The following KCNH1 variants were observed in gnomAD, a reference collection of about 807,000 sequenced individuals.
KCNH1 encodes the protein voltage-gated delayed rectifier potassium channel KCNH1.
KCNH1 carries 27 observed loss-of-function variants against 69.2 expected under a neutral mutation model. That is an observed-to-expected ratio of 0.39 (90% CI 0.29 to 0.54). The LOEUF is 0.54. Ranked by LOEUF, KCNH1 falls within the 20% of genes least tolerant of loss-of-function variation. The pLI, the probability that KCNH1 is intolerant of heterozygous loss-of-function variation, is 0.68. For synonymous variants in KCNH1, 456 were observed against 487.7 expected (o/e 0.93, Z 0.86); for missense variants, 798 against 1,261.6 (o/e 0.63, Z 5.57).
chr1:210,774,210 G>C (rs943912347), intron 10 of KCNH1, among the ~76,000 whole-genome samples: 5 of 152,132 alleles, frequency 3.3e-5, no homozygotes, highest in East Asian at 1.9e-4. Context: ...TTTAAGGTTA[G>C]TCAAGCAGCC....
Position 210,981,331 on chromosome 1 carries a change from G to C in KCNH1, c.1032+37452C>G, listed in dbSNP as rs1688704841. On this transcript the variant is annotated intron_variant, in intron 6 of 10. Transcript: ENST00000271751. ...TTCAGCAACTACATCTAGTCCCAGG[G>C]GCTCCTCAGTCCATGAATGAGTCAT... Among the ~76,000 whole-genome samples, 5 of 137,198 alleles carry C rather than the reference G, an allele frequency of 3.6e-5. No homozygotes were observed. The South Asian group carries it at 1.2e-3, about 32-fold the overall frequency. The allele number at this position is 137,198 out of a possible 152,430, so 90.0% of individuals were successfully genotyped here.
At chr1:210,924,379 G>C (rs182478869) in intron 6 of KCNH1, among the ~76,000 whole-genome samples, 30 of 152,252 alleles carry the variant, frequency 2.0e-4, no homozygotes, top group Admixed American at 5.2e-4. Context: ...TTGTTATAAA[G>C]AGCCTCTGAA....
At chr1:210,757,082 A>G (rs371363078) in intron 10 of KCNH1, among the ~76,000 whole-genome samples, 8 of 152,094 alleles carry the variant, frequency 5.3e-5, no homozygotes, top group African/African-American at 1.9e-4. Flanking sequence ...TGGTGACTCT[A>G]TTTCTCTGAT....
chr1:211,097,676 C>G (rs1691181936), intron 3 of KCNH1, among the ~76,000 whole-genome samples: 1 of 152,234 alleles, frequency 6.6e-6, no homozygotes, highest in Non-Finnish European at 1.5e-5. Context: ...ATCTATATCT[C>G]TGTGACCCAC....
intron 1 of KCNH1, among the ~76,000 whole-genome samples, chr1:211,128,057 A>G (rs900361008): frequency 3.9e-5 from 6 of 152,092 alleles, no homozygotes; most frequent in Non-Finnish European, 7.3e-5. Flanking sequence ...TTGGAAGGCC[A>G]AGGCGGGCGG....
At chr1:210,856,568 T>C (rs1011607456) in intron 7 of KCNH1, among the ~76,000 whole-genome samples, 5 of 151,690 alleles carry the variant, frequency 3.3e-5, no homozygotes, top group African/African-American at 1.2e-4. Context: ...GTCTCTGCCA[T>C]GTGCACAAAA....
intron 7 of KCNH1, among the ~76,000 whole-genome samples, chr1:210,823,862 C>T (rs1684982846): frequency 1.3e-5 from 2 of 152,172 alleles, no homozygotes; most frequent in Non-Finnish European, 2.9e-5. Context: ...TAGACTGCCT[C>T]ATTTTTCACA....
intron 7 of KCNH1, among the ~76,000 whole-genome samples, chr1:210,823,104 A>T (rs577861536): frequency 1.3e-5 from 2 of 152,294 alleles, no homozygotes; most frequent in South Asian, 2.1e-4. Context: ...GATCAGCTCC[A>T]GTCCTGCTGA....
rs575832151 is a variant in KCNH1, at chr1:210,840,310, C to A, written c.1463-36144G>T. Reference sequence around the variant, plus strand: ...AACAAAAAAATAAAACGAAAAAAAACAAAACCAGCAGTTGTTCTCCTGATT... The same window carrying A: ...AACAAAAAAATAAAACGAAAAAAAAAAAAACCAGCAGTTGTTCTCCTGATT... On this transcript the variant is annotated intron_variant, in intron 7 of 10. Coordinates refer to ENST00000271751, the MANE Select transcript of KCNH1 (RefSeq NM_172362.3). Among the ~76,000 whole-genome samples the A allele has an allele frequency of 3.3e-5, 5 of 151,450 alleles. No individual in the cohort carries two copies. The South Asian group carries it at 1.0e-3, about 32-fold the overall frequency.
At chr1:210,770,884 C>A (rs1305777035) in intron 10 of KCNH1, among the ~76,000 whole-genome samples, 1 of 152,188 alleles carries the variant, frequency 6.6e-6, no homozygotes, top group African/African-American at 2.4e-5. Context: ...CACTCCTTAG[C>A]CAGAAGAGCA....
At chr1:210,790,684 G>T (rs1684195465) in intron 9 of KCNH1, among the ~76,000 whole-genome samples, 1 of 152,142 alleles carries the variant, frequency 6.6e-6, no homozygotes, top group Admixed American at 6.5e-5. Flanking sequence ...GTATTTGGCA[G>T]CCCTACTCCT....
intron 7 of KCNH1, among the ~76,000 whole-genome samples, chr1:210,917,267 GAAAGAAAGAAAGA>G (rs1157493366): frequency 5.5e-5 from 8 of 145,762 alleles, no homozygotes; most frequent in African/African-American, 1.8e-4. Flanking sequence ...AAGAAAGAAA[GAAAGAAAGAAAGA>G]AAAGAAAAGA....
intron 7 of KCNH1, among the ~76,000 whole-genome samples, chr1:210,890,614 A>G (rs953577713): frequency 6.6e-6 from 1 of 152,196 alleles, no homozygotes; most frequent in African/African-American, 2.4e-5. Flanking sequence ...GGCACCCTAC[A>G]GAATGGGAGA....
chr1:210,900,881 T>C (rs1168752423), intron 7 of KCNH1, among the ~76,000 whole-genome samples: 1 of 152,130 alleles, frequency 6.6e-6, no homozygotes, highest in Non-Finnish European at 1.5e-5. Context: ...AGCCCAACTT[T>C]AGTACCGTGT....
chr1:211,100,088 C>T (rs1433807280), intron 3 of KCNH1, among the ~76,000 whole-genome samples: 1 of 152,150 alleles, frequency 6.6e-6, no homozygotes, highest in Non-Finnish European at 1.5e-5. Flanking sequence ...ATTCAAACTC[C>T]TGGGCTCAAA....
At chr1:211,119,814 T>C (rs1691654905) in intron 1 of KCNH1, among the ~76,000 whole-genome samples, 1 of 152,198 alleles carries the variant, frequency 6.6e-6, no homozygotes, top group Admixed American at 6.5e-5. Context: ...CTTAATATCC[T>C]ACAGAAATAC....
intron 1 of KCNH1, among the ~76,000 whole-genome samples, chr1:211,107,610 A>C (rs1287407143): frequency 6.6e-6 from 1 of 152,134 alleles, no homozygotes; most frequent in Non-Finnish European, 1.5e-5. Context: ...AGAAGTTAGG[A>C]AAGAAAGCAT....
chr1:210,856,014 C>T (rs1038142472), intron 7 of KCNH1, among the ~76,000 whole-genome samples: 1 of 152,180 alleles, frequency 6.6e-6, no homozygotes, highest in African/African-American at 2.4e-5. Context: ...ATCTCTGCCT[C>T]TTGCTGTATA....
intron 10 of KCNH1, among the ~76,000 whole-genome samples, chr1:210,757,635 A>G (rs934244699): frequency 2.6e-5 from 4 of 152,240 alleles, no homozygotes; most frequent in Non-Finnish European, 5.9e-5. Context: ...GAACAGAAGC[A>G]AACTACAGCT....
Sources: gnomAD v4.1 joint callset for allele counts (sites outside exome capture counted in the v4.1 genomes callset) on GRCh38, gnomAD v4.1.1 for gene constraint, MANE v1.5 for transcripts, NCBI Gene and HGNC (gene_info 2026-07-23, HGNC 2026-07-21) for gene names.